Variants in PI4KA observed in about 807,000 individuals in gnomAD.
PI4KA encodes the protein PI4-kinase alpha.
In PI4KA, 122 loss-of-function variants were observed where a neutral mutation model predicts 271.4. The ratio of observed to expected loss-of-function variants is 0.45; its 90% CI spans 0.39 to 0.52. The LOEUF (loss-of-function observed/expected upper bound fraction) is 0.52. Ranked by LOEUF, PI4KA falls within the 20% of genes least tolerant of loss-of-function variation. The pLI, the probability that PI4KA is intolerant of heterozygous loss-of-function variation, is 0.00. For missense variants in PI4KA, 1,969 were observed against 2,769.1 expected (o/e 0.71, Z 6.48); for synonymous variants, 1,041 against 1,078.8 (o/e 0.96, Z 0.69).
At position 20,711,393 on chromosome 22, in the gene PI4KA, G is replaced by A; in HGVS notation, c.5871C>T (p.Asp1957=). 7.2e-7 allele frequency: 1 copy of A among 1,393,984 alleles called. No individual in the cohort carries two copies. The highest frequency in any genetic ancestry group is 1.0e-6 in the Non-Finnish European group (1 of 1,003,340). 86.4% of individuals were successfully genotyped at this position (1,393,984 alleles called of 1,614,324 possible). The change falls in exon 51 of 55, where the codon GAC becomes GAT. Residue 1957 remains aspartate, a synonymous_variant. Coordinates refer to ENST00000255882, the MANE Select transcript of PI4KA (RefSeq NM_058004.4). ...CCAGCATAATGTTGCCGTTGTGTCT[G>A]TCCTTGATCTGCAGCAGGAACAGCA... The part of the protein sequence containing the change: ...SLLLFLLQIK[D]RHNGNIMLDK...
chr22:20,838,912 T>C (rs903628150), intron 1 of PI4KA, among the ~76,000 whole-genome samples, 181 bp from the exon 2 acceptor site: 1 of 151,844 alleles, frequency 6.6e-6, no homozygotes, highest in Non-Finnish European at 1.5e-5. Flanking sequence ...CCCTATCTCT[T>C]AAATAAATAA....
At chr22:20,835,968 A>C (rs1050115470) in intron 2 of PI4KA, among the ~76,000 whole-genome samples, 5 of 152,000 alleles carry the variant, frequency 3.3e-5, no homozygotes, top group African/African-American at 1.2e-4. Flanking sequence ...TAATGGCATA[A>C]GTAAACCCAG....
chr22:20,738,227 CAGG>C (rs1208959151), intron 32 of PI4KA, among the ~76,000 whole-genome samples: 4 of 152,260 alleles, frequency 2.6e-5, no homozygotes, highest in African/African-American at 9.6e-5. Flanking sequence ...CCTGAGCCCA[CAGG>C]AGGACAGCCT....
At chr22:20,827,871 T>C (rs927534098) in intron 3 of PI4KA, among the ~76,000 whole-genome samples, 1 of 152,190 alleles carries the variant, frequency 6.6e-6, no homozygotes, top group Admixed American at 6.5e-5. Flanking sequence ...CGCGGCTCAC[T>C]GCAACCTCCG....
intron 19 of PI4KA, chr22:20,779,081 CA>C: frequency 1.8e-6 from 2 of 1,108,954 alleles, no homozygotes; most frequent in Non-Finnish European, 2.5e-6. Context: ...TCAAGGGGCC[CA>C]CAGATCCTTC....
At chr22:20,781,734 A>C (rs747699105) in intron 19 of PI4KA, among the ~76,000 whole-genome samples, 1 of 152,266 alleles carries the variant, frequency 6.6e-6, no homozygotes, top group Non-Finnish European at 1.5e-5. Flanking sequence ...CATGTACATG[A>C]TGAACACACA....
chr22:20,734,002 C>T lies in PI4KA; in HGVS notation c.4052+41G>A, dbSNP rs767813465. The T allele has an allele frequency of 1.9e-5, 29 of 1,542,280 alleles. 1 individual carries two copies. The South Asian group carries it at 2.9e-4, about 16-fold the overall frequency. ...CACAGACGCCCCATGACACACTGTA[C>T]ACACCAGGGGCCCTGTGCTCCCCAG... On this transcript the variant is annotated intron_variant, in intron 34 of 54. Transcript: ENST00000255882.
chr22:20,783,621 A>C (rs946796475), intron 19 of PI4KA, among the ~76,000 whole-genome samples: 4 of 152,060 alleles, frequency 2.6e-5, no homozygotes, highest in African/African-American at 9.7e-5. Context: ...GGTCTCAAAA[A>C]CCAAATAATA....
rs976531609 is a variant in PI4KA, at chr22:20,840,376, C to T, written c.157-1645G>A. On this transcript the variant is annotated intron_variant, in intron 1 of 54. Coordinates refer to ENST00000255882, the MANE Select transcript of PI4KA (RefSeq NM_058004.4). ...TTCAGGTCCAGACAGAGAAGGTCCC[C>T]AGAGGGCCCCACAGGCCAGGTCAGA... 4.6e-5 allele frequency among the ~76,000 whole-genome samples: 7 copies of T among 152,176 alleles called. No homozygotes were observed. In the East Asian group the frequency reaches 1.2e-3, roughly 25 times the overall value.
intron 4 of PI4KA, among the ~76,000 whole-genome samples, chr22:20,821,920 G>A (rs1392674893): frequency 6.6e-6 from 1 of 152,208 alleles, no homozygotes; most frequent in Non-Finnish European, 1.5e-5. Flanking sequence ...GGAGGCTGAA[G>A]CGGGTGGATC....
intron 7 of PI4KA, among the ~76,000 whole-genome samples, chr22:20,816,159 C>T (rs1005492388): frequency 2.0e-5 from 3 of 152,078 alleles, no homozygotes; most frequent in South Asian, 4.1e-4. Flanking sequence ...AGGCTGGTCT[C>T]GAACTCCTAG....
intron 3 of PI4KA, among the ~76,000 whole-genome samples, chr22:20,832,852 G>A (rs1205681571): frequency 6.6e-6 from 1 of 152,086 alleles, no homozygotes; most frequent in Admixed American, 6.6e-5. Context: ...TCTCCTGAAT[G>A]TTGATGATCT....
intron 32 of PI4KA, among the ~76,000 whole-genome samples, chr22:20,739,279 G>C (rs758036160): frequency 1.3e-5 from 2 of 150,694 alleles, no homozygotes; most frequent in Admixed American, 1.3e-4. Context: ...CCGGGAGGCG[G>C]AGTGAGCCAA....
intron 25 of PI4KA, among the ~76,000 whole-genome samples, chr22:20,752,612 T>TG (rs1930825158): frequency 6.6e-6 from 1 of 152,188 alleles, no homozygotes; most frequent in Admixed American, 6.5e-5. Flanking sequence ...TAGAAGATGG[T>TG]GCACCAGGTC....
Position 20,729,889 on chromosome 22 carries a change from G to C in PI4KA, c.4408+3C>G. ...TGGCCCCAGCAGCACACCTCCCACC[G>C]ACCTGATTTCTTGGAGATGGTGGAC... On this transcript the variant is annotated splice_donor_region_variant and intron_variant, in intron 37 of 54. Coordinates refer to ENST00000255882, the MANE Select transcript of PI4KA (RefSeq NM_058004.4). 6.2e-7 allele frequency: 1 copy of C among 1,614,078 alleles called. No homozygotes were observed.
chr22:20,783,532 C>T (rs1294840893), intron 19 of PI4KA, among the ~76,000 whole-genome samples: 2 of 151,880 alleles, frequency 1.3e-5, no homozygotes, highest in Non-Finnish European at 2.9e-5. Context: ...CAGGAGGATT[C>T]CTTGAGCCTG....
intron 1 of PI4KA, among the ~76,000 whole-genome samples, chr22:20,856,447 T>G (rs951912598): frequency 6.6e-6 from 1 of 151,748 alleles, no homozygotes; most frequent in African/African-American, 2.4e-5. Context: ...CTTTTTTTTT[T>G]TTTTTTGAGA....
intron 4 of PI4KA, 122 bp from the exon 5 acceptor site, chr22:20,820,733 T>A: frequency 1.5e-6 from 1 of 678,122 alleles, no homozygotes; most frequent in Non-Finnish European, 2.5e-6. Context: ...ATATGATACA[T>A]CCCTCCACAA....
chr22:20,858,283 G>A (rs1189982471), intron 1 of PI4KA, among the ~76,000 whole-genome samples: 1 of 152,102 alleles, frequency 6.6e-6, no homozygotes, highest in Non-Finnish European at 1.5e-5. Flanking sequence ...GATGTCACAA[G>A]ATGCTCCCTG....
Sources: gnomAD v4.1 joint callset for allele counts (sites outside exome capture counted in the v4.1 genomes callset) on GRCh38, gnomAD v4.1.1 for gene constraint, MANE v1.5 for transcripts, NCBI Gene and HGNC (gene_info 2026-07-23, HGNC 2026-07-21) for gene names.